ITGBL1: variants seen among roughly 807,000 people sequenced by gnomAD.
ITGBL1 encodes integrin subunit beta like 1, also known as integrin beta-like protein 1.
In ITGBL1, 51 loss-of-function variants were observed where a neutral mutation model predicts 68.5. The observed-to-expected ratio is 0.74, with a 90% CI of 0.59 to 0.94. The LOEUF (loss-of-function observed/expected upper bound fraction) is 0.94. ITGBL1 is among the 40% of genes least tolerant of loss of function. ITGBL1 has a pLI of 0.00. For synonymous variants in ITGBL1, 209 were observed against 227.3 expected, an observed-to-expected ratio of 0.92 and a Z score of 0.72; for missense variants, 649 against 647.4, an observed-to-expected ratio of 1.00 and a Z score of -0.03.
chr13:101,607,256 A>G (rs2030913467), intron 7 of ITGBL1, among the ~76,000 whole-genome samples: 3 of 152,170 alleles, frequency 2.0e-5, no homozygotes, highest in South Asian at 4.1e-4. Context: ...AGATATCTGA[A>G]CAGTTTGCCA....
At chr13:101,610,614 A>G (rs755630753) in intron 7 of ITGBL1, among the ~76,000 whole-genome samples, 2 of 152,176 alleles carry the variant, frequency 1.3e-5, no homozygotes, top group Non-Finnish European at 2.9e-5. Flanking sequence ...TTTGTAAATA[A>G]AGTTTTATTA....
At chr13:101,481,489 G>A (rs914141882) in intron 2 of ITGBL1, among the ~76,000 whole-genome samples, 4 of 151,994 alleles carry the variant, frequency 2.6e-5, no homozygotes. Context: ...AGATGGGGCT[G>A]CAATTTGGTA....
At chr13:101,541,194 C>A (rs2049692395) in intron 2 of ITGBL1, among the ~76,000 whole-genome samples, 1 of 150,012 alleles carries the variant, frequency 6.7e-6, no homozygotes, top group African/African-American at 2.5e-5. Flanking sequence ...GTGGGTTTGT[C>A]ATAGATAGCT....
intron 2 of ITGBL1, among the ~76,000 whole-genome samples, chr13:101,491,424 T>G (rs976118277): frequency 2.6e-5 from 4 of 152,206 alleles, no homozygotes; most frequent in African/African-American, 9.7e-5. Flanking sequence ...TAGTGAAGTT[T>G]TATTCAGATT....
At chr13:101,650,792 A>G (rs777540171) in intron 7 of ITGBL1, among the ~76,000 whole-genome samples, 1 of 151,840 alleles carries the variant, frequency 6.6e-6, no homozygotes, top group Non-Finnish European at 1.5e-5. Flanking sequence ...TCCTCCTCCC[A>G]TGTCCCCCTT....
At chr13:101,693,771 C>G (rs2139559416) in intron 8 of ITGBL1, among the ~76,000 whole-genome samples, 1 of 152,280 alleles carries the variant, frequency 6.6e-6, no homozygotes, top group South Asian at 2.1e-4. Flanking sequence ...AAAATACTTT[C>G]TTCTTTCCTT....
intron 2 of ITGBL1, among the ~76,000 whole-genome samples, chr13:101,544,154 C>T (rs1202408206): frequency 6.6e-6 from 1 of 152,166 alleles, no homozygotes; most frequent in East Asian, 1.9e-4. Flanking sequence ...TCCAGTTTTT[C>T]TGCTCTGTTT....
chr13:101,671,422 C>CT (rs1190065334), intron 7 of ITGBL1, among the ~76,000 whole-genome samples: 3 of 117,912 alleles, frequency 2.5e-5, no homozygotes, highest in Admixed American at 9.8e-5. Flanking sequence ...AAAAGTATAC[C>CT]TTTGTTTTTT....
intron 2 of ITGBL1, among the ~76,000 whole-genome samples, chr13:101,494,726 A>T (rs926335291): frequency 6.6e-6 from 1 of 152,246 alleles, no homozygotes; most frequent in East Asian, 1.9e-4. Flanking sequence ...TGAAGACAAT[A>T]TATGGAAATA....
chr13:101,585,714 G>A (rs140523375), intron 6 of ITGBL1, among the ~76,000 whole-genome samples: 1,804 of 152,176 alleles, frequency 0.012, 37 homozygotes, highest in African/African-American at 0.041. Context: ...ACAGGTGTGA[G>A]CCACCTCCCC....
chr13:101,597,018 A>G (rs2030012259), intron 6 of ITGBL1, among the ~76,000 whole-genome samples: 1 of 152,180 alleles, frequency 6.6e-6, no homozygotes, highest in South Asian at 2.1e-4. Flanking sequence ...ATGTTTACTC[A>G]CACTCATACA....
At chr13:101,654,336 T>C (rs915332835) in intron 7 of ITGBL1, among the ~76,000 whole-genome samples, 6 of 152,178 alleles carry the variant, frequency 3.9e-5, no homozygotes, top group Non-Finnish European at 8.8e-5. Context: ...GAGATCACTG[T>C]GGCTGCTATG....
chr13:101,525,489 C>A (rs1474871241), intron 2 of ITGBL1, among the ~76,000 whole-genome samples: 1 of 117,964 alleles, frequency 8.5e-6, no homozygotes, highest in Non-Finnish European at 1.8e-5. Flanking sequence ...CCCCCTTATT[C>A]TGGCCTTAGA....
At chr13:101,510,282 T>C (rs976577798) in intron 2 of ITGBL1, among the ~76,000 whole-genome samples, 5 of 152,170 alleles carry the variant, frequency 3.3e-5, no homozygotes, top group African/African-American at 1.2e-4. Context: ...CTTCCTGTAT[T>C]AATTCACTTA....
At chr13:101,619,099 A>G (rs562921363) in intron 7 of ITGBL1, among the ~76,000 whole-genome samples, 1 of 152,230 alleles carries the variant, frequency 6.6e-6, no homozygotes, top group East Asian at 1.9e-4. Context: ...ATCATTGATT[A>G]CGTGTACAGC....
downstream of ITGBL1, chr13:101,716,468 T>C (rs2034726851): frequency 6.6e-6 from 1 of 152,186 alleles, no homozygotes; most frequent in Non-Finnish European, 1.5e-5. Flanking sequence ...TATATATATC[T>C]ACTGATAATT....
At chr13:101,585,510 G>A (rs758405453) in intron 6 of ITGBL1, among the ~76,000 whole-genome samples, 32 of 151,988 alleles carry the variant, frequency 2.1e-4, no homozygotes, top group Non-Finnish European at 4.0e-4. Flanking sequence ...AGCTCACTGC[G>A]AGCTCCACCT....
intron 7 of ITGBL1, among the ~76,000 whole-genome samples, chr13:101,637,959 ATAAAG>A (rs761624835): frequency 3.7e-4 from 57 of 152,330 alleles, no homozygotes; most frequent in Middle Eastern, 6.8e-3. Flanking sequence ...GTAAACTCTT[ATAAAG>A]TAAAGTAATA....
At chr13:101,533,589 G>A (rs2049519363) in intron 2 of ITGBL1, among the ~76,000 whole-genome samples, 1 of 152,108 alleles carries the variant, frequency 6.6e-6, no homozygotes, top group African/African-American at 2.4e-5. Flanking sequence ...AAATGTATTG[G>A]TTAAAACTTT....
Sources: gnomAD v4.1 joint callset for allele counts (sites outside exome capture counted in the v4.1 genomes callset) on GRCh38, gnomAD v4.1.1 for gene constraint, MANE v1.5 for transcripts, NCBI Gene and HGNC (gene_info 2026-07-23, HGNC 2026-07-21) for gene names.